Variants in EYA1 observed in about 807,000 individuals in gnomAD.
EYA1 encodes the protein protein phosphatase EYA1.
Under a neutral mutation model 82.0 loss-of-function variants are expected in EYA1, and 16 were observed. The observed-to-expected ratio is 0.20, with a 90% CI of 0.13 to 0.30. The LOEUF (loss-of-function observed/expected upper bound fraction) is 0.30. Among genes scored for constraint, EYA1 ranks in the 10% least tolerant of loss-of-function variants. The probability of loss-of-function intolerance (pLI) is 1.00; values close to 1 mark genes in which losing one functional copy is unlikely to be tolerated. For synonymous variants in EYA1, 261 were observed against 264.4 expected (o/e 0.99, Z 0.12); for missense variants, 633 against 730.7 (o/e 0.87, Z 1.54).
chr8:71,416,766 G>A lies in EYA1; in HGVS notation c.34-60255C>T, dbSNP rs567900638. On this transcript the variant is annotated intron_variant, in intron 2 of 18. Transcript: ENST00000643681. ...AGATGTACTGAATCACATTTGTATT[G>A]TAAAATTCCTATTTATTCATAGCCA... is the stretch of plus-strand genomic sequence containing the variant. Among the ~76,000 whole-genome samples, 39 of 152,256 alleles carry A rather than the reference G, an allele frequency of 2.6e-4. 1 individual carries two copies. Among genetic ancestry groups the A allele is most frequent in the Admixed American group, 2.4e-3 (37 of 15,304 alleles).
intron 16 of EYA1, 78 bp downstream of exon 16, chr8:71,215,309 G>C: frequency 7.0e-7 from 1 of 1,433,184 alleles, no homozygotes; most frequent in Non-Finnish European, 9.8e-7. Flanking sequence ...TGGAAAAAAA[G>C]TTTCATTTAT....
At chr8:71,527,916 T>G (rs2129279155) in intron 2 of EYA1, among the ~76,000 whole-genome samples, 1 of 152,268 alleles carries the variant, frequency 6.6e-6, no homozygotes, top group East Asian at 1.9e-4. Context: ...CCAAAATGGC[T>G]TTCTTATTGT....
intron 14 of EYA1, 44 bp from the exon 15 acceptor site, chr8:71,215,772 T>C (rs763898906): frequency 2.3e-6 from 3 of 1,328,678 alleles, no homozygotes; most frequent in Non-Finnish European, 3.3e-6. Context: ...CTGACCAACA[T>C]ATTTCTTCGG....
At chr8:71,452,866 C>G (rs1351364504) in intron 2 of EYA1, among the ~76,000 whole-genome samples, 1 of 152,170 alleles carries the variant, frequency 6.6e-6, no homozygotes, top group African/African-American at 2.4e-5. Context: ...GAGTGCCTCT[C>G]CCCCTCCAAA....
intron 7 of EYA1, among the ~76,000 whole-genome samples, chr8:71,302,497 T>C (rs1467441746): frequency 6.6e-6 from 1 of 152,130 alleles, no homozygotes; most frequent in Non-Finnish European, 1.5e-5. Flanking sequence ...TATACTCATT[T>C]GCTGGCTGAC....
chr8:71,363,357 T>C (rs1423781073), upstream of EYA1, among the ~76,000 whole-genome samples: 1 of 152,156 alleles, frequency 6.6e-6, no homozygotes, highest in African/African-American at 2.4e-5. Context: ...GACCAAAATT[T>C]ATTACAGACT....
At chr8:71,407,982 G>T (rs940948622) in intron 2 of EYA1, among the ~76,000 whole-genome samples, 32 of 151,042 alleles carry the variant, frequency 2.1e-4, no homozygotes, top group Admixed American at 1.8e-3. Context: ...GAAAGGTCGG[G>T]TTACCCTCAA....
At chr8:71,408,423 C>T (rs2129137098) in intron 2 of EYA1, among the ~76,000 whole-genome samples, 1 of 122,788 alleles carries the variant, frequency 8.1e-6, no homozygotes, top group South Asian at 2.8e-4. Flanking sequence ...AAGACACAGA[C>T]TGGCAAGTTG....
intron 9 of EYA1, among the ~76,000 whole-genome samples, chr8:71,272,259 C>T (rs1036048125): frequency 6.6e-6 from 1 of 152,118 alleles, no homozygotes; most frequent in African/African-American, 2.4e-5. Flanking sequence ...GAGGCTCACA[C>T]ATTTGCCTCA....
chr8:71,353,123 TC>T (rs1826470659), intron 3 of EYA1, among the ~76,000 whole-genome samples: 1 of 152,248 alleles, frequency 6.6e-6, no homozygotes, highest in Non-Finnish European at 1.5e-5. Context: ...TATCTGGACT[TC>T]ACAATGATGG....
intron 1 of EYA1, among the ~76,000 whole-genome samples, chr8:71,536,791 A>G (rs543413477): frequency 2.0e-5 from 3 of 152,322 alleles, no homozygotes; most frequent in East Asian, 1.9e-4. Flanking sequence ...AAGTACTTGA[A>G]TTTCTACATG....
chr8:71,448,025 T>TTTTTTTATTTTTTTTAGGTAACGGAG (rs935912194), intron 2 of EYA1, among the ~76,000 whole-genome samples: 1 of 116,736 alleles, frequency 8.6e-6, no homozygotes, highest in African/African-American at 3.4e-5. Context: ...TTTTTTTTTT[T>TTTTTTTATTTTTTTTAGGTAACGGAG]TCTCGCTCCG....
chr8:71,294,268 G>A (rs1307558881), intron 9 of EYA1, among the ~76,000 whole-genome samples: 1 of 152,038 alleles, frequency 6.6e-6, no homozygotes, highest in East Asian at 1.9e-4. Flanking sequence ...GACCATCCTG[G>A]CTAACACAGT....
At chr8:71,248,560 C>T (rs935005204) in intron 11 of EYA1, among the ~76,000 whole-genome samples, 5 of 152,138 alleles carry the variant, frequency 3.3e-5, no homozygotes, top group Non-Finnish European at 7.4e-5. Flanking sequence ...AAACAGAGCA[C>T]GGAGTTCCTA....
At position 71,452,450 on chromosome 8, in the gene EYA1, T is replaced by G. The variant is rs529538028; in HGVS notation, c.33+83294A>C. Among the ~76,000 whole-genome samples the G allele has an allele frequency of 4.4e-3, 669 of 152,324 alleles. 2 individuals carry two copies. Among genetic ancestry groups the G allele is most frequent in the Non-Finnish European group, 7.4e-3 (504 of 68,026 alleles). ...TTCTCCCAGCACGGAGTTTGAGATC[T>G]GAGAATGGACAGACTGCCTCCTCAA... On this transcript the variant is annotated intron_variant, in intron 2 of 18. Transcript: ENST00000643681.
intron 2 of EYA1, among the ~76,000 whole-genome samples, chr8:71,375,404 C>T (rs953204280): frequency 2.0e-5 from 3 of 151,968 alleles, no homozygotes; most frequent in African/African-American, 7.3e-5. Flanking sequence ...GGAAGAATGG[C>T]AGGACTGGCA....
intron 9 of EYA1, among the ~76,000 whole-genome samples, chr8:71,273,895 A>T (rs994017576): frequency 1.3e-5 from 2 of 152,238 alleles, no homozygotes. Context: ...ATTTTGTCGT[A>T]AAAGTCGTTT....
intron 17 of EYA1, chr8:71,204,045 C>T (rs1365600360): frequency 6.6e-6 from 1 of 152,164 alleles, no homozygotes; most frequent in Admixed American, 6.5e-5. Context: ...AAAAACAGAG[C>T]TACCCACAAA....
At chr8:71,375,113 A>G (rs1165408652) in intron 2 of EYA1, among the ~76,000 whole-genome samples, 3 of 152,128 alleles carry the variant, frequency 2.0e-5, no homozygotes, top group Non-Finnish European at 4.4e-5. Flanking sequence ...CGCATTGTAT[A>G]CTGAAAATTT....
Sources: gnomAD v4.1 joint callset for allele counts (sites outside exome capture counted in the v4.1 genomes callset) on GRCh38, gnomAD v4.1.1 for gene constraint, MANE v1.5 for transcripts, NCBI Gene and HGNC (gene_info 2026-07-23, HGNC 2026-07-21) for gene names.